The following COL24A1 variants were observed in gnomAD, a reference collection of about 807,000 sequenced individuals.
The protein encoded by COL24A1 is collagen alpha-1(XXIV) chain.
A neutral mutation model predicts 253.9 loss-of-function variants in COL24A1; 224 were observed. The ratio of observed to expected loss-of-function variants is 0.88; its 90% confidence interval spans 0.79 to 0.99. The LOEUF is 0.99. COL24A1 is among the 50% of genes least tolerant of loss of function. The probability of loss-of-function intolerance (pLI) is 0.00; values close to 1 mark genes in which losing one functional copy is unlikely to be tolerated. For missense variants in COL24A1, 2,131 were observed against 2,068.5 expected (o/e 1.03, Z -0.59); for synonymous variants, 685 against 673.7 (o/e 1.02, Z -0.26).
intron 47 of COL24A1, among the ~76,000 whole-genome samples, chr1:85,804,048 T>G (rs1671705707): frequency 6.6e-6 from 1 of 152,108 alleles, no homozygotes. Context: ...TAGAAAAAAT[T>G]CAGGAGATTC....
intron 14 of COL24A1, among the ~76,000 whole-genome samples, chr1:86,024,953 C>A (rs996974914): frequency 6.6e-5 from 10 of 151,598 alleles, no homozygotes; most frequent in African/African-American, 2.4e-4. Flanking sequence ...TATATAATAT[C>A]CTATTTTACT....
intron 22 of COL24A1, among the ~76,000 whole-genome samples, chr1:85,968,193 A>T (rs1691763833): frequency 6.6e-6 from 1 of 152,080 alleles, no homozygotes; most frequent in South Asian, 2.1e-4. Context: ...CGTGTAAGTT[A>T]ATACTTAATA....
intron 24 of COL24A1, among the ~76,000 whole-genome samples, chr1:85,925,355 G>C (rs1161634083): frequency 6.6e-6 from 1 of 152,038 alleles, no homozygotes. Context: ...AAAAGAGCCC[G>C]CATTGCCAAG....
chr1:85,967,253 G>A (rs1691658507), intron 22 of COL24A1, among the ~76,000 whole-genome samples: 1 of 152,162 alleles, frequency 6.6e-6, no homozygotes, highest in African/African-American at 2.4e-5. Flanking sequence ...TAAGAATAAG[G>A]ATGAGAGATA....
intron 35 of COL24A1, among the ~76,000 whole-genome samples, chr1:85,871,250 C>T (rs893164832): frequency 3.3e-4 from 51 of 152,244 alleles, no homozygotes; most frequent in African/African-American, 1.2e-3. Context: ...GGATTCACAG[C>T]CGAATTCTAC....
intron 2 of COL24A1, among the ~76,000 whole-genome samples, chr1:86,133,621 T>C (rs1335706425): frequency 6.6e-6 from 1 of 152,212 alleles, no homozygotes; most frequent in Non-Finnish European, 1.5e-5. Context: ...GTGGTTTTCG[T>C]CATTGGCTCT....
At chr1:85,810,367 G>A (rs1672406278) in intron 47 of COL24A1, among the ~76,000 whole-genome samples, 1 of 152,060 alleles carries the variant, frequency 6.6e-6, no homozygotes, top group South Asian at 2.1e-4. Context: ...CAAATAACCT[G>A]CCCCTTATTT....
At chr1:85,732,272 C>T (rs1663566565) in intron 59 of COL24A1, among the ~76,000 whole-genome samples, 1 of 150,884 alleles carries the variant, frequency 6.6e-6, no homozygotes, top group Admixed American at 6.6e-5. Flanking sequence ...ACTCGGTCGC[C>T]CAGCTGGAGT....
chr1:85,829,221 T>C (rs1674840641), intron 43 of COL24A1, among the ~76,000 whole-genome samples: 1 of 151,750 alleles, frequency 6.6e-6, no homozygotes, highest in South Asian at 2.1e-4. Context: ...GGGTTGAAAA[T>C]TCTTTTCTTT....
chr1:86,074,599 A>G (rs560541765), intron 7 of COL24A1, among the ~76,000 whole-genome samples: 1 of 152,308 alleles, frequency 6.6e-6, no homozygotes, highest in Non-Finnish European at 1.5e-5. Context: ...GCTCTGGACC[A>G]AGCAGACATA....
At chr1:85,999,840 A>AG (rs1214843498) in intron 19 of COL24A1, among the ~76,000 whole-genome samples, 1 of 152,108 alleles carries the variant, frequency 6.6e-6, no homozygotes, top group Admixed American at 6.5e-5. Context: ...GGGAGATGAG[A>AG]GGGGGGTCTC....
At position 86,023,216 on chromosome 1, in the gene COL24A1, C is replaced by G. The variant is rs192352840; in HGVS notation, c.2050-209G>C. On this transcript the variant is annotated intron_variant, in intron 14 of 59. Coordinates refer to ENST00000370571, the MANE Select transcript of COL24A1 (RefSeq NM_152890.7). ...AGTGAAGTCCATCATTTTTCTGAAA[C>G]CTTTTCATATTTGTCTAGTCCACAG... Among the ~76,000 whole-genome samples, 7 of 152,246 alleles carry G rather than the reference C, an allele frequency of 4.6e-5. No individual in the cohort carries two copies. The South Asian group carries it at 1.2e-3, about 27-fold the overall frequency.
chr1:86,104,952 C>T (rs1028720645), intron 5 of COL24A1, among the ~76,000 whole-genome samples: 2 of 152,198 alleles, frequency 1.3e-5, no homozygotes, highest in African/African-American at 4.8e-5. Flanking sequence ...TAGCATGACT[C>T]AGGAAGGTGG....
At chr1:86,124,410 A>G (rs1249104456) in intron 3 of COL24A1, among the ~76,000 whole-genome samples, 4 of 152,060 alleles carry the variant, frequency 2.6e-5, no homozygotes, top group Non-Finnish European at 4.4e-5. Context: ...ATTTTGCTGT[A>G]AGAATATTTA....
intron 29 of COL24A1, 97 bp from the exon 30 acceptor site, chr1:85,896,162 A>G: frequency 7.6e-7 from 1 of 1,322,012 alleles, no homozygotes; most frequent in African/African-American, 1.5e-5. Flanking sequence ...CAAAAAAGAC[A>G]GTAAGTATAT....
At chr1:85,744,177 G>A (rs1026295423) in intron 57 of COL24A1, among the ~76,000 whole-genome samples, 2 of 151,836 alleles carry the variant, frequency 1.3e-5, no homozygotes, top group South Asian at 2.1e-4. Flanking sequence ...TAATGAAATC[G>A]GGGCATCTGT....
chr1:85,861,738 G>C (rs1371336929), intron 37 of COL24A1, among the ~76,000 whole-genome samples: 2 of 151,648 alleles, frequency 1.3e-5, no homozygotes, highest in African/African-American at 4.9e-5. Context: ...TTCATTTCTT[G>C]AGATAGCCAA....
intron 10 of COL24A1, among the ~76,000 whole-genome samples, chr1:86,053,082 T>C (rs914577291): frequency 2.0e-5 from 3 of 152,076 alleles, no homozygotes; most frequent in Non-Finnish European, 2.9e-5. Flanking sequence ...GAATGGGAAA[T>C]GTTTCTTTTA....
intron 24 of COL24A1, among the ~76,000 whole-genome samples, chr1:85,954,257 A>G (rs996388436): frequency 6.6e-6 from 1 of 152,176 alleles, no homozygotes; most frequent in African/African-American, 2.4e-5. Context: ...AGACATAATA[A>G]TTTTACATGT....
Sources: allele counts gnomAD v4.1 joint callset (sites outside exome capture counted in the v4.1 genomes callset), GRCh38; gene constraint gnomAD v4.1.1; transcripts MANE v1.5; gene names NCBI Gene and HGNC (gene_info 2026-07-23, HGNC 2026-07-21).